The following NUDT21 variants were observed in gnomAD, a reference collection of about 807,000 sequenced individuals.
NUDT21 encodes cleavage and polyadenylation specificity factor subunit 5.
In NUDT21, 5 loss-of-function variants were observed where a neutral mutation model predicts 29.8. The observed-to-expected ratio is 0.17, with a 90% CI of 0.09 to 0.35. The LOEUF is 0.35. Ranked by LOEUF, NUDT21 falls within the 10% of genes least tolerant of loss-of-function variation. The probability of loss-of-function intolerance (pLI) is 1.00; values close to 1 mark genes in which losing one functional copy is unlikely to be tolerated. For synonymous variants in NUDT21, 113 were observed against 98.5 expected (o/e 1.15, Z -0.87); for missense variants, 76 against 276.0 (o/e 0.28, Z 5.13).
Position 56,451,255 on chromosome 16 carries a change from T to A in NUDT21, c.-53A>T. The A allele has an allele frequency of 2.9e-6, 4 of 1,379,728 alleles. No homozygotes were observed. The highest frequency in any genetic ancestry group is 4.0e-6 in the Non-Finnish European group (4 of 999,956). The allele number at this position is 1,379,728 out of a possible 1,614,324, so 85.5% of individuals were successfully genotyped here. A position where few individuals can be genotyped will look rare whatever the true frequency, so the allele number is the denominator to read the frequency against. Reference sequence around the variant, plus strand: ...GCAGAAAGTGGCAGGCAGGGTAGACTTTCCCCGTGCGGGAAGCGGTTATCT... The same window carrying A: ...GCAGAAAGTGGCAGGCAGGGTAGACATTCCCCGTGCGGGAAGCGGTTATCT... On this transcript the variant is annotated 5_prime_UTR_variant, in exon 1 of 7. The change creates a new upstream start codon in the 5' untranslated region. Transcript: ENST00000300291.
chr16:56,433,342 C>G (rs1281192228), intron 6 of NUDT21, among the ~76,000 whole-genome samples: 1 of 152,206 alleles, frequency 6.6e-6, no homozygotes, highest in African/African-American at 2.4e-5. Context: ...CTACTATCCC[C>G]ATTTACAGAA....
At chr16:56,445,523 T>C (rs1289829863) in intron 3 of NUDT21, among the ~76,000 whole-genome samples, 1 of 152,200 alleles carries the variant, frequency 6.6e-6, no homozygotes, top group African/African-American at 2.4e-5. Context: ...GCTAAACACT[T>C]CTGGTCCCAA....
chr16:56,451,141 C>A lies in NUDT21; in HGVS notation c.62G>T (p.Gly21Val). The change falls in exon 1 of 7, where the codon GGC becomes GTC. Residue 21 changes from glycine (G) to valine (V), a missense_variant. Transcript: ENST00000300291. The part of the protein sequence containing the change: ...TGWPRGVTQF[G>V]NKYIQQTKPL... ...CTTCGTCTGCTGGATGTACTTGTTG[C>A]CGAACTGAGTGACCCCCCGGGGCCA... 6.2e-7 allele frequency: 1 copy of A among 1,613,510 alleles called. No individual in the cohort carries two copies. The highest frequency in any genetic ancestry group is 8.5e-7 in the Non-Finnish European group (1 of 1,179,704).
intron 4 of NUDT21, among the ~76,000 whole-genome samples, chr16:56,438,893 C>A (rs1962131795): frequency 6.6e-6 from 1 of 151,988 alleles, no homozygotes. Context: ...GATACGCGAA[C>A]AGTGACTATA....
At position 56,432,716 on chromosome 16, in the gene NUDT21, T is replaced by C. The variant is rs1962048895; in HGVS notation, c.680A>G (p.Asn227Ser). 6.2e-7 allele frequency: 1 copy of C among 1,610,934 alleles called. No homozygotes were observed. Among genetic ancestry groups the C allele is most frequent in the Non-Finnish European group, 8.5e-7 (1 of 1,177,520 alleles). The change falls in exon 7 of 7, where the codon AAC (asparagine) becomes AGC (serine). Residue 227 changes from asparagine (N) to serine (S), a missense_variant. Asn to Ser is a conservative substitution (Grantham distance 46). This residue lies in a region of NUDT21 where 13 missense variants were observed against 59.7 expected (regional missense o/e 0.22). Coordinates refer to ENST00000300291, the MANE Select transcript of NUDT21 (RefSeq NM_007006.3). ...QLLSRFNFIYN is the reference protein window; with the variant it reads ...QLLSRFNFIYS Reference sequence around the variant, plus strand: ...ACTTCTCCACTGCGCAGGAATTCAGTTGTAAATAAAATTGAACCTGAATTT... The same window carrying C: ...ACTTCTCCACTGCGCAGGAATTCAGCTGTAAATAAAATTGAACCTGAATTT...
chr16:56,434,946 T>C, intron 4 of NUDT21, 117 bp from the exon 5 acceptor site: 1 of 634,858 alleles, frequency 1.6e-6, no homozygotes, highest in Non-Finnish European at 2.8e-6. Context: ...CTGTCCTCTT[T>C]ACCAGGACTT....
chr16:56,435,784 T>C (rs1166099266), intron 4 of NUDT21, among the ~76,000 whole-genome samples: 2 of 101,996 alleles, frequency 2.0e-5, no homozygotes, highest in Non-Finnish European at 3.9e-5. Flanking sequence ...TATATATATA[T>C]GATCAGTAAG....
chr16:56,433,726 C>G (rs1388472975), intron 6 of NUDT21, among the ~76,000 whole-genome samples: 1 of 152,064 alleles, frequency 6.6e-6, no homozygotes, highest in Admixed American at 6.6e-5. Context: ...CTCACTCTGT[C>G]GCCCAGGCTG....
In NUDT21 at chr16:56,451,239, G is replaced by C; in HGVS notation, c.-37C>G. 1 of 1,491,866 alleles carries C rather than the reference G, an allele frequency of 6.7e-7. No homozygotes were observed. The highest frequency in any genetic ancestry group is 1.8e-5 in the Admixed American group (1 of 55,456). 92.4% of individuals were successfully genotyped at this position (1,491,866 alleles called of 1,614,324 possible). On this transcript the variant is annotated 5_prime_UTR_variant, in exon 1 of 7. Coordinates refer to ENST00000300291, the MANE Select transcript of NUDT21 (RefSeq NM_007006.3). ...CCGGCGCTGACGGCGAGCAGAAAGT[G>C]GCAGGCAGGGTAGACTTTCCCCGTG...
Position 56,432,823 on chromosome 16 carries a change from C to T in NUDT21, c.663-90G>A. 3 of 970,340 alleles carry T rather than the reference C, an allele frequency of 3.1e-6. No individual in the cohort carries two copies. The East Asian group carries it at 7.9e-5, about 26-fold the overall frequency. 60.1% of individuals were successfully genotyped at this position (970,340 alleles called of 1,614,324 possible). On this transcript the variant is annotated intron_variant, in intron 6 of 6. Coordinates refer to ENST00000300291, the MANE Select transcript of NUDT21 (RefSeq NM_007006.3). ...ATAAATTTATCTGGATGTTTCTGCC[C>T]TCCCTTAGCATGTCTGGCATTTTCT...
chr16:56,447,356 A>G (rs1962231227), intron 2 of NUDT21, among the ~76,000 whole-genome samples: 1 of 152,222 alleles, frequency 6.6e-6, no homozygotes, highest in African/African-American at 2.4e-5. Context: ...GGTATAATCT[A>G]GTCAAATAGT....
intron 4 of NUDT21, chr16:56,439,253 C>T (rs768715771): frequency 1.9e-4 from 31 of 161,442 alleles, no homozygotes; most frequent in Admixed American, 9.2e-4. Flanking sequence ...TTCACTGCAA[C>T]TTCTGCCTCC....
chr16:56,438,938 TATG>T, intron 4 of NUDT21, among the ~76,000 whole-genome samples: 1 of 152,344 alleles, frequency 6.6e-6, no homozygotes. Flanking sequence ...TTATTTTTAG[TATG>T]ATAATAACAG....
intron 3 of NUDT21, among the ~76,000 whole-genome samples, chr16:56,443,059 T>G (rs1315032191): frequency 1.3e-5 from 2 of 152,238 alleles, no homozygotes; most frequent in African/African-American, 4.8e-5. Flanking sequence ...GATCTTTTTC[T>G]TGTTAAGAAG....
intron 4 of NUDT21, 189 bp downstream of exon 4, chr16:56,439,468 G>A (rs1448831813): frequency 1.6e-5 from 9 of 554,592 alleles, no homozygotes; most frequent in Middle Eastern, 4.9e-4. Context: ...GAGCCACCTC[G>A]CCCGGCCTTG....
At chr16:56,436,111 A>C (rs1281703336) in intron 4 of NUDT21, among the ~76,000 whole-genome samples, 1 of 151,550 alleles carries the variant, frequency 6.6e-6, no homozygotes, top group Non-Finnish European at 1.5e-5. Flanking sequence ...CTGACACAGA[A>C]CAAAAAAAAA....
In NUDT21 at chr16:56,434,820, T is replaced by C. The variant is rs1403842733; in HGVS notation, c.481A>G (p.Ile161Val). ...PNFEPPQYPY[I>V]PAHITKPKEH... is the part of the protein sequence containing the mutation. Reference sequence around the variant, plus strand: ...TTAGGCTTTGTAATATGTGCAGGAATATATGGATACTGAAATTACAAATGA... The same window carrying C: ...TTAGGCTTTGTAATATGTGCAGGAACATATGGATACTGAAATTACAAATGA... The change falls in exon 5 of 7, where the codon ATT becomes GTT. Residue 161 changes from isoleucine to valine, a missense_variant. Physicochemically the swap from Ile to Val is conservative, Grantham distance 29. This residue lies in a region of NUDT21 where 13 missense variants were observed against 16.6 expected (regional missense o/e 0.79). Transcript: ENST00000300291. 1 of 1,569,470 alleles carries C rather than the reference T, an allele frequency of 6.4e-7. No homozygotes were observed. Among genetic ancestry groups the C allele is most frequent in the Admixed American group, 1.7e-5 (1 of 57,654 alleles).
rs1297687947 is a variant in NUDT21 at position 56,430,542 on chromosome 16, T to C, written c.*2170A>G. ...TTCAAAATGATAAGAGCATTTAGTA[T>C]GTAGATCTGGAATGCACAGTTTCTG... is the stretch of plus-strand genomic sequence containing the variant. On this transcript the variant is annotated 3_prime_UTR_variant, in exon 7 of 7. Transcript: ENST00000300291. 2 of 152,254 alleles carry C rather than the reference T, an allele frequency of 1.3e-5. No homozygotes were observed. Among genetic ancestry groups the C allele is most frequent in the African/African-American group, 4.8e-5 (2 of 41,468 alleles). 9.4% of individuals were successfully genotyped at this position (152,254 alleles called of 1,614,324 possible). A position where few individuals can be genotyped will look rare whatever the true frequency, so the allele number is the denominator to read the frequency against.
At chr16:56,434,227 C>T in intron 6 of NUDT21, 104 bp downstream of exon 6, 1 of 728,526 alleles carries the variant, frequency 1.4e-6, no homozygotes, top group Non-Finnish European at 2.4e-6. Flanking sequence ...TTCTTAGTTT[C>T]CTTAAAGACC....
Sources: allele counts gnomAD v4.1 joint callset (sites outside exome capture counted in the v4.1 genomes callset), GRCh38; gene constraint gnomAD v4.1.1; regional missense constraint gnomAD v4.1.1; transcripts MANE v1.5; gene names NCBI Gene and HGNC (gene_info 2026-07-23, HGNC 2026-07-21).